The following PTPN3 variants were observed in gnomAD, a reference collection of about 807,000 sequenced individuals.
The protein encoded by PTPN3 is tyrosine-protein phosphatase non-receptor type 3.
In PTPN3, 96 loss-of-function variants were observed where a neutral mutation model predicts 132.7. That is an observed-to-expected ratio of 0.72 (90% CI 0.61 to 0.86). The LOEUF (loss-of-function observed/expected upper bound fraction) is 0.86, where lower values mean the gene tolerates loss of function less well. Ranked by LOEUF, PTPN3 falls within the 40% of genes least tolerant of loss-of-function variation. The pLI, the probability that PTPN3 is intolerant of heterozygous loss-of-function variation, is 0.00. For missense variants in PTPN3, 1,125 were observed against 1,159.6 expected (o/e 0.97, Z 0.43); for synonymous variants, 398 against 429.0 (o/e 0.93, Z 0.89).
chr9:109,450,027 T>C (rs1460196665), intron 5 of PTPN3: 8 of 983,268 alleles, frequency 8.1e-6, no homozygotes, highest in Middle Eastern at 5.2e-4. Flanking sequence ...GGAGCTCAGA[T>C]AGGATATGTG....
intron 9 of PTPN3, among the ~76,000 whole-genome samples, chr9:109,435,593 G>A (rs978260737): frequency 1.3e-5 from 2 of 152,246 alleles, no homozygotes; most frequent in Non-Finnish European, 2.9e-5. Context: ...TTTAGTTCAC[G>A]TAGAACAGCC....
At chr9:109,383,242 G>C in intron 23 of PTPN3, 181 bp downstream of exon 23, 2 of 1,046,050 alleles carry the variant, frequency 1.9e-6, no homozygotes, top group Non-Finnish European at 2.8e-6. Context: ...CCTCGTGCCT[G>C]TTGTGACTAG....
At position 109,400,780 on chromosome 9, in the gene PTPN3, C is replaced by T. The variant is rs7038032; in HGVS notation, c.1953+3668G>A. 1.5e-3 allele frequency among the ~76,000 whole-genome samples: 224 copies of T among 152,316 alleles called. 1 individual carries two copies. The highest frequency in any genetic ancestry group is 5.1e-3 in the African/African-American group (212 of 41,578). ...TTGTGAGAATTACCTAAGGTGATATCCTTTAAAGCCTGTGGCACATAGTAA... is the reference window on the plus strand; with the variant it reads ...TTGTGAGAATTACCTAAGGTGATATTCTTTAAAGCCTGTGGCACATAGTAA... On this transcript the variant is annotated intron_variant, in intron 19 of 25. Coordinates refer to ENST00000374541, the MANE Select transcript of PTPN3 (RefSeq NM_002829.4).
the PTPN3 span, among the ~76,000 whole-genome samples, chr9:109,525,458 T>C: frequency 6.6e-6 from 1 of 152,216 alleles, no homozygotes; most frequent in Non-Finnish European, 1.5e-5. Context: ...ATGAGGATCA[T>C]CTTGAGGAGC....
At chr9:109,428,721 C>T in intron 10 of PTPN3, 37 bp from the exon 11 acceptor site, 1 of 1,594,158 alleles carries the variant, frequency 6.3e-7, no homozygotes, top group South Asian at 1.1e-5. Context: ...CAAAGCACAT[C>T]AGGGATCGGC....
intron 16 of PTPN3, among the ~76,000 whole-genome samples, chr9:109,408,793 AAAAATATAT>A (rs1841799505): frequency 1.3e-5 from 1 of 74,584 alleles, no homozygotes; most frequent in African/African-American, 5.0e-5. Flanking sequence ...AAAAAAAAAA[AAAAATATAT>A]ATATATATAT....
At chr9:109,476,731 T>C (rs1846685000) in intron 1 of PTPN3, among the ~76,000 whole-genome samples, 1 of 152,198 alleles carries the variant, frequency 6.6e-6, no homozygotes, top group Non-Finnish European at 1.5e-5. Flanking sequence ...TTTGTCTTAG[T>C]TTCCTCCCCT....
At position 109,443,289 on chromosome 9, in the gene PTPN3, C is replaced by T. The variant is rs1176300697; in HGVS notation, c.466+1951G>A. Among the ~76,000 whole-genome samples, 7 of 152,076 alleles carry T rather than the reference C, an allele frequency of 4.6e-5. No individual in the cohort carries two copies. The South Asian group carries it at 1.5e-3, about 32-fold the overall frequency. ...ATGGGGCTTCATAGTGTTGCCCATG[C>T]CAGTCTCGACCTCCTGGGATCAAGT... is the stretch of plus-strand genomic sequence containing the variant. On this transcript the variant is annotated intron_variant, in intron 7 of 25. Coordinates refer to ENST00000374541, the MANE Select transcript of PTPN3 (RefSeq NM_002829.4).
chr9:109,404,279 C>T (rs1220070799), intron 19 of PTPN3, among the ~76,000 whole-genome samples, 169 bp downstream of exon 19: 1 of 152,202 alleles, frequency 6.6e-6, no homozygotes, highest in Non-Finnish European at 1.5e-5. Context: ...AGGCCTCGCC[C>T]TGTCAGTCCT....
intron 11 of PTPN3, among the ~76,000 whole-genome samples, chr9:109,427,698 G>C (rs1843377414): frequency 6.6e-6 from 1 of 152,220 alleles, no homozygotes; most frequent in African/African-American, 2.4e-5. Context: ...ATCTTGCACT[G>C]AGGGGTCAGG....
At chr9:109,409,748 G>A (rs534790155) in intron 16 of PTPN3, among the ~76,000 whole-genome samples, 97 of 152,172 alleles carry the variant, frequency 6.4e-4, no homozygotes, top group Non-Finnish European at 9.0e-4. Flanking sequence ...GGAGGTCAGC[G>A]CTGCAGTGAG....
At chr9:109,483,195 C>T (rs1847044807) in intron 1 of PTPN3, among the ~76,000 whole-genome samples, 1 of 152,258 alleles carries the variant, frequency 6.6e-6, no homozygotes, top group Non-Finnish European at 1.5e-5. Flanking sequence ...GCCCTCGCTC[C>T]TCAGAGCTGA....
At chr9:109,461,962 C>T (rs1845863238) in intron 2 of PTPN3, among the ~76,000 whole-genome samples, 1 of 152,186 alleles carries the variant, frequency 6.6e-6, no homozygotes, top group South Asian at 2.1e-4. Context: ...TGTAGCCCCT[C>T]TAATTAGACT....
At chr9:109,382,937 G>A (rs925099328) in intron 23 of PTPN3, among the ~76,000 whole-genome samples, 1 of 152,006 alleles carries the variant, frequency 6.6e-6, no homozygotes, top group Non-Finnish European at 1.5e-5. Flanking sequence ...TATGCCATAT[G>A]GCAAAATGTC....
intron 4 of PTPN3, among the ~76,000 whole-genome samples, chr9:109,456,007 GCTCCCACAGGTACTTCT>G (rs1272784014): frequency 5.4e-4 from 83 of 152,382 alleles, no homozygotes; most frequent in African/African-American, 1.9e-3. Flanking sequence ...TGGCCCTGAG[GCTCCCACAGGTACTTCT>G]GAACGCAGAG....
intron 19 of PTPN3, among the ~76,000 whole-genome samples, chr9:109,392,296 T>C (rs1169335180): frequency 6.6e-6 from 1 of 152,198 alleles, no homozygotes; most frequent in African/African-American, 2.4e-5. Flanking sequence ...ATATGACTGC[T>C]TTTTCCCTTT....
intron 4 of PTPN3, 122 bp downstream of exon 4, chr9:109,457,051 T>A: frequency 9.8e-7 from 1 of 1,015,932 alleles, no homozygotes; most frequent in South Asian, 1.5e-5. Context: ...GGCTCACTCA[T>A]GACTCCTGGA....
chr9:109,448,898 T>G, intron 5 of PTPN3, 43 bp from the exon 6 acceptor site: 5 of 1,161,298 alleles, frequency 4.3e-6, no homozygotes, highest in East Asian at 3.3e-5. Flanking sequence ...CAAACTGAAA[T>G]AAGCAAAAAA....
At chr9:109,411,295 G>T (rs1042676964) in intron 14 of PTPN3, among the ~76,000 whole-genome samples, 8 of 152,160 alleles carry the variant, frequency 5.3e-5, no homozygotes. Context: ...AACTTGCCCA[G>T]GGTCACATGG....
Sources: gnomAD v4.1 joint callset for allele counts (sites outside exome capture counted in the v4.1 genomes callset) on GRCh38, gnomAD v4.1.1 for gene constraint, MANE v1.5 for transcripts, NCBI Gene and HGNC (gene_info 2026-07-23, HGNC 2026-07-21) for gene names.